USH2A: variants seen among roughly 807,000 people sequenced by gnomAD.
USH2A encodes usherin, also known as Usher syndrome 2A (autosomal recessive, mild).
USH2A carries 443 observed loss-of-function variants against 538.9 expected under a neutral mutation model. The observed-to-expected ratio is 0.82, with a 90% confidence interval of 0.76 to 0.89. The LOEUF (loss-of-function observed/expected upper bound fraction) is 0.89, where lower values mean the gene tolerates loss of function less well. Ranked by LOEUF, USH2A falls within the 40% of genes least tolerant of loss-of-function variation. The pLI, the probability that USH2A is intolerant of heterozygous loss-of-function variation, is 0.00. For missense variants in USH2A, 6,633 were observed against 6,324.8 expected, an observed-to-expected ratio of 1.05 and a Z score of -1.65; for synonymous variants, 2,413 against 2,273.5, an observed-to-expected ratio of 1.06 and a Z score of -1.75.
chr1:216,108,228 A>G (rs1050764488), intron 21 of USH2A, among the ~76,000 whole-genome samples: 26 of 151,904 alleles, frequency 1.7e-4, no homozygotes, highest in African/African-American at 5.6e-4. Flanking sequence ...TTTGAATAAT[A>G]CGTTCACTGA....
chr1:215,965,251 A>G, intron 37 of USH2A, 66 bp downstream of exon 37: 1 of 1,527,460 alleles, frequency 6.5e-7, no homozygotes, highest in Non-Finnish European at 8.9e-7. Flanking sequence ...GCCAAAAGAA[A>G]GATTTTAAAT....
intron 4 of USH2A, among the ~76,000 whole-genome samples, chr1:216,337,295 C>T (rs1265961375): frequency 1.3e-5 from 2 of 151,078 alleles, no homozygotes; most frequent in Non-Finnish European, 3.0e-5. Flanking sequence ...TCTTTTGATG[C>T]TAATTTTAAA....
In USH2A at chr1:216,363,622, G is replaced by A. The variant is rs12047668; in HGVS notation, c.784+1331C>T. Among the ~76,000 whole-genome samples, 971 of 151,464 alleles carry A rather than the reference G, an allele frequency of 6.4e-3. 3 individuals are homozygous for A. Among genetic ancestry groups the A allele is most frequent in the East Asian group, 0.036 (185 of 5,160 alleles). Reference sequence around the variant, plus strand: ...AGACACAGATATATAAATATATGTGGATATATATATAATATTTTCCATAAA... The same window carrying A: ...AGACACAGATATATAAATATATGTGAATATATATATAATATTTTCCATAAA... On this transcript the variant is annotated intron_variant, in intron 4 of 71. Transcript: ENST00000307340.
intron 38 of USH2A, among the ~76,000 whole-genome samples, chr1:215,923,989 G>A (rs1048763111): frequency 6.6e-6 from 1 of 151,490 alleles, no homozygotes; most frequent in African/African-American, 2.4e-5. Flanking sequence ...GCCTCCCAAA[G>A]TGCTGGGATT....
chr1:215,975,442 TTATAA>T (rs1667598175), intron 35 of USH2A, among the ~76,000 whole-genome samples: 1 of 152,228 alleles, frequency 6.6e-6, no homozygotes, highest in Non-Finnish European at 1.5e-5. Flanking sequence ...TCTAGGATTC[TTATAA>T]TATGAGATCT....
chr1:216,117,685 T>C (rs1353468079), intron 21 of USH2A, among the ~76,000 whole-genome samples: 1 of 151,860 alleles, frequency 6.6e-6, no homozygotes, highest in African/African-American at 2.4e-5. Context: ...AACTATATCT[T>C]CCCTCAATTA....
chr1:216,257,960 G>A (rs1285461021), intron 11 of USH2A, among the ~76,000 whole-genome samples: 1 of 151,982 alleles, frequency 6.6e-6, no homozygotes, highest in South Asian at 2.1e-4. Context: ...ATGTAGAGTT[G>A]TAATATCTGT....
intron 49 of USH2A, among the ~76,000 whole-genome samples, chr1:215,803,659 C>T (rs1662405216): frequency 6.6e-6 from 1 of 152,146 alleles, no homozygotes; most frequent in South Asian, 2.1e-4. Flanking sequence ...GAAGAACATT[C>T]CATGCTCATG....
intron 21 of USH2A, among the ~76,000 whole-genome samples, chr1:216,155,401 C>A (rs868357852): frequency 6.6e-6 from 1 of 152,164 alleles, no homozygotes. Context: ...CTATAGATAA[C>A]ATCACTATTG....
At chr1:215,916,395 A>G (rs1457654175) in intron 38 of USH2A, among the ~76,000 whole-genome samples, 2 of 152,068 alleles carry the variant, frequency 1.3e-5, no homozygotes, top group African/African-American at 2.4e-5. Flanking sequence ...GTGACAAAAT[A>G]AAATATTTTA....
chr1:216,375,682 A>G (rs950407773), intron 3 of USH2A, among the ~76,000 whole-genome samples: 3 of 152,050 alleles, frequency 2.0e-5, no homozygotes, highest in African/African-American at 7.2e-5. Context: ...TCCCTCAAGA[A>G]ATTTTCCTTT....
chr1:216,037,911 T>C (rs2030069658), intron 32 of USH2A, among the ~76,000 whole-genome samples: 1 of 151,854 alleles, frequency 6.6e-6, no homozygotes, highest in Non-Finnish European at 1.5e-5. Flanking sequence ...ATCATTTAGC[T>C]CTCACTTATA....
intron 36 of USH2A, among the ~76,000 whole-genome samples, chr1:215,966,611 G>C (rs1389334419): frequency 6.6e-6 from 1 of 152,138 alleles, no homozygotes; most frequent in Non-Finnish European, 1.5e-5. Context: ...TTTCATCAGA[G>C]AAAAGCTATG....
chr1:215,651,398 T>A (rs1243525799), intron 64 of USH2A, among the ~76,000 whole-genome samples: 1 of 152,066 alleles, frequency 6.6e-6, no homozygotes, highest in African/African-American at 2.4e-5. Context: ...GTGTATAGGG[T>A]TAAATTAGGC....
chr1:216,089,359 T>C (rs2032236437), intron 22 of USH2A, among the ~76,000 whole-genome samples: 1 of 152,148 alleles, frequency 6.6e-6, no homozygotes, highest in Non-Finnish European at 1.5e-5. Flanking sequence ...TGTACAGATC[T>C]GTAAAGGTCT....
At chr1:216,234,124 T>C (rs1476156255) in intron 13 of USH2A, among the ~76,000 whole-genome samples, 3 of 152,184 alleles carry the variant, frequency 2.0e-5, no homozygotes, top group East Asian at 3.8e-4. Context: ...TTATCTATTA[T>C]ATAGGGAACA....
chr1:216,245,013 G>C (rs990379856), intron 13 of USH2A, among the ~76,000 whole-genome samples: 3 of 152,062 alleles, frequency 2.0e-5, no homozygotes, highest in Non-Finnish European at 2.9e-5. Context: ...AGGAGACAAA[G>C]GACTTTGTTG....
chr1:216,169,337 C>CA (rs969506346), intron 21 of USH2A, among the ~76,000 whole-genome samples: 13 of 150,980 alleles, frequency 8.6e-5, no homozygotes, highest in South Asian at 2.1e-4. Context: ...ATTAATATTT[C>CA]AAAAAAAAGG....
intron 11 of USH2A, among the ~76,000 whole-genome samples, chr1:216,275,635 T>G (rs2102587318): frequency 6.6e-6 from 1 of 152,198 alleles, no homozygotes; most frequent in East Asian, 1.9e-4. Flanking sequence ...AAATCAGGTT[T>G]TCTAAAAAGT....
Sources: gnomAD v4.1 joint callset for allele counts (sites outside exome capture counted in the v4.1 genomes callset) on GRCh38, gnomAD v4.1.1 for gene constraint, MANE v1.5 for transcripts, NCBI Gene and HGNC (gene_info 2026-07-23, HGNC 2026-07-21) for gene names.